FBXL7: variants seen among roughly 807,000 people sequenced by gnomAD.
FBXL7 encodes F-box and leucine rich repeat protein 7.
A neutral mutation model predicts 38.3 loss-of-function variants in FBXL7; 12 were observed. That is an observed-to-expected ratio of 0.31 (90% CI 0.20 to 0.51). The LOEUF (loss-of-function observed/expected upper bound fraction) is 0.51. FBXL7 is among the 20% of genes least tolerant of loss of function. The pLI, the probability that FBXL7 is intolerant of heterozygous loss-of-function variation, is 0.98. For missense variants in FBXL7, 567 were observed against 676.4 expected (o/e 0.84, Z 1.79); for synonymous variants, 297 against 300.9 (o/e 0.99, Z 0.13).
intron 2 of FBXL7, among the ~76,000 whole-genome samples, chr5:15,811,911 T>C (rs1737871859): frequency 6.6e-6 from 1 of 152,126 alleles, no homozygotes; most frequent in African/African-American, 2.4e-5. Flanking sequence ...AGTTCAACCA[T>C]TGTGGAAGAC....
At chr5:15,927,374 A>G (rs1241348477) in intron 2 of FBXL7, among the ~76,000 whole-genome samples, 1 of 152,102 alleles carries the variant, frequency 6.6e-6, no homozygotes, top group Non-Finnish European at 1.5e-5. Context: ...AATGGGCGAC[A>G]CGTGCATGTG....
chr5:15,789,718 C>T (rs147738896), intron 2 of FBXL7, among the ~76,000 whole-genome samples: 1 of 152,322 alleles, frequency 6.6e-6, no homozygotes, highest in East Asian at 1.9e-4. Flanking sequence ...CTTCCCATCA[C>T]TTCAATTTGG....
intron 2 of FBXL7, among the ~76,000 whole-genome samples, chr5:15,747,770 C>T (rs1413280730): frequency 6.6e-6 from 1 of 152,148 alleles, no homozygotes; most frequent in Non-Finnish European, 1.5e-5. Flanking sequence ...CCATCTGTAA[C>T]TCATCCTCCC....
Position 15,766,986 on chromosome 5 carries a change from T to C in FBXL7, c.127+150914T>C, listed in dbSNP as rs577579153. Reference sequence around the variant, plus strand: ...TTTAAAAATCTGTAATTTTCTTTTTTTTTCTGTTTCTTTTTCTTGAACTTT... The same window carrying C: ...TTTAAAAATCTGTAATTTTCTTTTTCTTTCTGTTTCTTTTTCTTGAACTTT... On this transcript the variant is annotated intron_variant, in intron 2 of 3. Coordinates refer to ENST00000504595, the MANE Select transcript of FBXL7 (RefSeq NM_012304.5). Among the ~76,000 whole-genome samples the C allele has an allele frequency of 8.5e-5, 13 of 152,336 alleles. No homozygotes were observed. The East Asian group carries it at 1.9e-3, about 23-fold the overall frequency.
intron 1 of FBXL7, among the ~76,000 whole-genome samples, chr5:15,543,335 T>C (rs1485618166): frequency 2.0e-5 from 3 of 152,110 alleles, no homozygotes; most frequent in African/African-American, 7.2e-5. Context: ...TGAGACTTAC[T>C]CACTACTACC....
intron 2 of FBXL7, among the ~76,000 whole-genome samples, chr5:15,631,179 G>T (rs1740986202): frequency 6.6e-6 from 1 of 151,870 alleles, no homozygotes. Flanking sequence ...TTCTTTTCCT[G>T]GAATAATAAA....
chr5:15,679,558 G>GTT (rs34375125), intron 2 of FBXL7, among the ~76,000 whole-genome samples: 7 of 125,134 alleles, frequency 5.6e-5, no homozygotes, highest in African/African-American at 8.9e-5. Context: ...ATGCTTCATT[G>GTT]TTTTTTTTTT....
At chr5:15,506,175 G>A (rs1315759745) in intron 1 of FBXL7, among the ~76,000 whole-genome samples, 4 of 151,264 alleles carry the variant, frequency 2.6e-5, no homozygotes, top group Non-Finnish European at 5.9e-5. Flanking sequence ...TGACTTCTTG[G>A]TCTATTTTAA....
intron 2 of FBXL7, among the ~76,000 whole-genome samples, chr5:15,760,511 T>G (rs2126697591): frequency 6.6e-6 from 1 of 151,858 alleles, no homozygotes; most frequent in East Asian, 1.9e-4. Flanking sequence ...CCTGCTGAGG[T>G]TTTTCACAGG....
chr5:15,597,916 G>A (rs1739672096), intron 1 of FBXL7, among the ~76,000 whole-genome samples: 1 of 152,200 alleles, frequency 6.6e-6, no homozygotes, highest in Non-Finnish European at 1.5e-5. Flanking sequence ...TAGCTCCTAA[G>A]TTGTTATATT....
At position 15,936,631 on chromosome 5, in the gene FBXL7, C is replaced by G. The variant is rs1381619614; in HGVS notation, c.921C>G (p.Arg307=). The G allele has an allele frequency of 3.1e-6, 5 of 1,609,086 alleles. No homozygotes were observed. Among genetic ancestry groups the G allele is most frequent in the Middle Eastern group, 3.3e-4 (2 of 6,084 alleles). Reference sequence around the variant, plus strand: ...AGCTCACCCACCTCTACCTGCGCCGCTGCGTCCGCCTGACCGACGAAGGCC... The same window carrying G: ...AGCTCACCCACCTCTACCTGCGCCGGTGCGTCCGCCTGACCGACGAAGGCC... ...CTQLTHLYLR[R]CVRLTDEGLR... is the part of the protein sequence containing the mutation. The change falls in exon 4 of 4, where the codon CGC becomes CGG. Residue 307 remains arginine (R), a synonymous_variant. Transcript: ENST00000504595. The surrounding 1 kb of genome is among the most constrained non-coding windows in gnomAD (Gnocchi z 6.0).
intron 2 of FBXL7, among the ~76,000 whole-genome samples, chr5:15,687,486 C>T (rs1013069033): frequency 6.6e-6 from 1 of 152,132 alleles, no homozygotes; most frequent in African/African-American, 2.4e-5. Context: ...AGTGCTAATT[C>T]GAAATGCAGT....
chr5:15,534,165 C>T (rs1737515788), intron 1 of FBXL7, among the ~76,000 whole-genome samples: 1 of 152,188 alleles, frequency 6.6e-6, no homozygotes, highest in East Asian at 1.9e-4. Flanking sequence ...AGTAAACCTA[C>T]ATTGACACAT....
intron 2 of FBXL7, among the ~76,000 whole-genome samples, chr5:15,707,690 G>A (rs1743733272): frequency 6.6e-6 from 1 of 152,204 alleles, no homozygotes. Flanking sequence ...TCCTGCAGAG[G>A]ATAGGAGGGC....
At chr5:15,737,500 A>G (rs910024423) in intron 2 of FBXL7, among the ~76,000 whole-genome samples, 1 of 152,206 alleles carries the variant, frequency 6.6e-6, no homozygotes, top group Non-Finnish European at 1.5e-5. Flanking sequence ...TTACTCCATA[A>G]AGAGTGTCAC....
At chr5:15,709,500 C>T (rs1487097345) in intron 2 of FBXL7, among the ~76,000 whole-genome samples, 1 of 150,862 alleles carries the variant, frequency 6.6e-6, no homozygotes, top group African/African-American at 2.4e-5. Flanking sequence ...TGCCACTACA[C>T]TCCACCCTGG....
rs555068776 is a variant in FBXL7, at chr5:15,876,500, G to A, written c.128-51390G>A. Among the ~76,000 whole-genome samples the A allele has an allele frequency of 2.0e-4, 31 of 152,120 alleles. No homozygotes were observed. The South Asian group carries it at 6.4e-3, about 32-fold the overall frequency. The stretch of plus-strand genomic sequence containing the variant: ...TGACATTTTAGTTGATTAATTTATA[G>A]CTAATGTGTTGATTTTGCACTCAGT... On this transcript the variant is annotated intron_variant, in intron 2 of 3. Coordinates refer to ENST00000504595, the MANE Select transcript of FBXL7 (RefSeq NM_012304.5).
intron 1 of FBXL7, among the ~76,000 whole-genome samples, chr5:15,519,326 G>C (rs1210742821): frequency 2.0e-5 from 3 of 151,962 alleles, no homozygotes; most frequent in Non-Finnish European, 4.4e-5. Flanking sequence ...CTGGGTGACA[G>C]AGCGAGACTC....
At chr5:15,525,646 C>A (rs1737231358) in intron 1 of FBXL7, among the ~76,000 whole-genome samples, 1 of 152,034 alleles carries the variant, frequency 6.6e-6, no homozygotes, top group South Asian at 2.1e-4. Context: ...GTATACATAT[C>A]CATACATACA....
Sources: allele counts gnomAD v4.1 joint callset (sites outside exome capture counted in the v4.1 genomes callset), GRCh38; gene constraint gnomAD v4.1.1; non-coding constraint Gnocchi (gnomAD v3.1); transcripts MANE v1.5; gene names NCBI Gene and HGNC (gene_info 2026-07-23, HGNC 2026-07-21).